Variants in KCNIP4 observed in about 807,000 individuals in gnomAD.
The protein encoded by KCNIP4 is Kv channel-interacting protein 4.
A neutral mutation model predicts 34.0 loss-of-function variants in KCNIP4; 12 were observed. The ratio of observed to expected loss-of-function variants is 0.35; its 90% CI spans 0.23 to 0.57. The LOEUF (loss-of-function observed/expected upper bound fraction) is 0.57. Among genes scored for constraint, KCNIP4 ranks in the 20% least tolerant of loss-of-function variants. KCNIP4 has a pLI of 0.83. For synonymous variants in KCNIP4, 124 were observed against 102.2 expected (o/e 1.21, Z -1.29); for missense variants, 238 against 311.7 (o/e 0.76, Z 1.78).
intron 1 of KCNIP4, among the ~76,000 whole-genome samples, chr4:21,066,903 G>A (rs1744446155): frequency 6.6e-6 from 1 of 152,150 alleles, no homozygotes; most frequent in East Asian, 1.9e-4. Flanking sequence ...CATGTGACCT[G>A]GTGAGATACC....
chr4:21,800,227 A>G lies in KCNIP4; in HGVS notation c.61+148344T>C, dbSNP rs912164453. On this transcript the variant is annotated intron_variant, in intron 1 of 8. Transcript: ENST00000382152. ...CAAGTTGGTACTACATTATTTCAAG[A>G]TCACTGGGAATTTTGATTATGCTAT... Among the ~76,000 whole-genome samples the G allele has an allele frequency of 2.0e-5, 3 of 152,166 alleles. No individual in the cohort carries two copies. In the South Asian group the frequency reaches 6.2e-4, roughly 32 times the overall value.
chr4:21,818,820 CAAGATAATTCATTCT>C (rs1450232960), intron 1 of KCNIP4, among the ~76,000 whole-genome samples: 2 of 152,120 alleles, frequency 1.3e-5, no homozygotes, highest in Non-Finnish European at 2.9e-5. Context: ...TTTAGGTCAT[CAAGATAATTCATTCT>C]GTGAGACTAG....
intron 1 of KCNIP4, among the ~76,000 whole-genome samples, chr4:21,339,690 T>C (rs978078134): frequency 1.3e-5 from 2 of 152,190 alleles, no homozygotes; most frequent in African/African-American, 4.8e-5. Flanking sequence ...AGATCTCCTA[T>C]GATTTCAAGC....
intron 1 of KCNIP4, among the ~76,000 whole-genome samples, chr4:21,683,448 T>A (rs1006838682): frequency 0.05 from 342 of 6,782 alleles, 1 homozygote; most frequent in African/African-American, 0.19. Context: ...GAAGCCAGAT[T>A]TTTTTTTTTT....
chr4:21,668,856 C>A (rs1031315243), intron 1 of KCNIP4, among the ~76,000 whole-genome samples: 4 of 151,932 alleles, frequency 2.6e-5, no homozygotes, highest in Admixed American at 2.6e-4. Context: ...TACAGTTGAA[C>A]CTTAAACAAT....
At chr4:21,458,252 T>G (rs995001538) in intron 1 of KCNIP4, among the ~76,000 whole-genome samples, 7 of 150,500 alleles carry the variant, frequency 4.7e-5, no homozygotes, top group Non-Finnish European at 8.9e-5. Flanking sequence ...TGTTTGGTTG[T>G]TTGTTCTTGC....
At chr4:21,390,134 A>C (rs4546231) in intron 1 of KCNIP4, among the ~76,000 whole-genome samples, 132,680 of 152,052 alleles carry the variant, frequency 0.87, 58,020 homozygotes, top group Non-Finnish European at 0.9. Context: ...CCTTTGCCCA[A>C]TTTTTGATGG....
chr4:21,103,813 C>T (rs1441648597), intron 1 of KCNIP4, among the ~76,000 whole-genome samples: 1 of 148,956 alleles, frequency 6.7e-6, no homozygotes, highest in Non-Finnish European at 1.5e-5. Context: ...CAATTCCCAC[C>T]TATGAGTGAG....
chr4:21,314,235 T>C (rs1360667638), intron 1 of KCNIP4, among the ~76,000 whole-genome samples: 1 of 152,224 alleles, frequency 6.6e-6, no homozygotes, highest in Non-Finnish European at 1.5e-5. Flanking sequence ...TGACCTCTTT[T>C]CAGGGCTTGG....
intron 1 of KCNIP4, among the ~76,000 whole-genome samples, chr4:21,945,916 T>C (rs759080931): frequency 6.6e-6 from 1 of 150,994 alleles, no homozygotes; most frequent in Non-Finnish European, 1.5e-5. Context: ...CCTTCTCTAC[T>C]TGTATGTACT....
At chr4:21,518,276 G>A (rs948574284) in intron 1 of KCNIP4, among the ~76,000 whole-genome samples, 1 of 152,054 alleles carries the variant, frequency 6.6e-6, no homozygotes, top group East Asian at 1.9e-4. Context: ...CCTCAAATCC[G>A]GCATCACCCT....
intron 1 of KCNIP4, among the ~76,000 whole-genome samples, chr4:20,988,789 C>G (rs1273695449): frequency 6.6e-6 from 1 of 152,186 alleles, no homozygotes; most frequent in Non-Finnish European, 1.5e-5. Context: ...ATAGGAGACT[C>G]AGGAAAAACT....
intron 1 of KCNIP4, among the ~76,000 whole-genome samples, chr4:21,559,009 A>G (rs1384833391): frequency 6.6e-6 from 1 of 152,202 alleles, no homozygotes; most frequent in Non-Finnish European, 1.5e-5. Context: ...AACCTAGTGA[A>G]TAAGAACATA....
chr4:21,155,392 T>C (rs1278483930), intron 1 of KCNIP4, among the ~76,000 whole-genome samples: 1 of 152,056 alleles, frequency 6.6e-6, no homozygotes, highest in Non-Finnish European at 1.5e-5. Flanking sequence ...AGCATGTAAA[T>C]AGGAGAAAAT....
intron 8 of KCNIP4, among the ~76,000 whole-genome samples, chr4:20,730,981 A>C (rs1389417824): frequency 1.3e-5 from 2 of 152,236 alleles, no homozygotes; most frequent in African/African-American, 4.8e-5. Context: ...TTGAGAGACA[A>C]GCAGACATCC....
chr4:21,194,440 G>A (rs1333976004), intron 1 of KCNIP4, among the ~76,000 whole-genome samples: 3 of 152,120 alleles, frequency 2.0e-5, no homozygotes, highest in African/African-American at 4.8e-5. Context: ...AAATAAATGA[G>A]TAAAGGAATC....
intron 1 of KCNIP4, among the ~76,000 whole-genome samples, chr4:21,760,875 A>G (rs954095550): frequency 2.0e-5 from 3 of 152,124 alleles, no homozygotes; most frequent in Non-Finnish European, 2.9e-5. Flanking sequence ...TGACCAAAAC[A>G]TATCTTAATA....
At chr4:21,084,031 T>C (rs951686741) in intron 1 of KCNIP4, among the ~76,000 whole-genome samples, 1 of 151,890 alleles carries the variant, frequency 6.6e-6, no homozygotes, top group African/African-American at 2.4e-5. Flanking sequence ...TGCTGAGATA[T>C]AGCCTACATT....
chr4:21,263,920 G>A (rs1440726479), intron 1 of KCNIP4, among the ~76,000 whole-genome samples: 1 of 152,074 alleles, frequency 6.6e-6, no homozygotes, highest in African/African-American at 2.4e-5. Context: ...CTCCCAAAGT[G>A]CTGGGATTAC....
Sources: allele counts gnomAD v4.1 joint callset (sites outside exome capture counted in the v4.1 genomes callset), GRCh38; gene constraint gnomAD v4.1.1; transcripts MANE v1.5; gene names NCBI Gene and HGNC (gene_info 2026-07-23, HGNC 2026-07-21).